Variants in NRG3 observed in about 807,000 individuals in gnomAD.
The protein encoded by NRG3 is neuregulin 3, also known as pro-neuregulin-3, membrane-bound isoform.
A neutral mutation model predicts 66.9 loss-of-function variants in NRG3; 31 were observed. The observed-to-expected ratio is 0.46, with a 90% confidence interval of 0.35 to 0.63. The LOEUF (loss-of-function observed/expected upper bound fraction) is 0.63. Among genes scored for constraint, NRG3 ranks in the 20% least tolerant of loss-of-function variants. The pLI, the probability that NRG3 is intolerant of heterozygous loss-of-function variation, is 0.00. For synonymous variants in NRG3, 393 were observed against 359.4 expected, an observed-to-expected ratio of 1.09 and a Z score of -1.06; for missense variants, 910 against 878.9, an observed-to-expected ratio of 1.04 and a Z score of -0.45.
chr10:82,258,824 A>G (rs1393602330), intron 1 of NRG3, among the ~76,000 whole-genome samples: 1 of 152,186 alleles, frequency 6.6e-6, no homozygotes, highest in South Asian at 2.1e-4. Context: ...CTCCCTTGTG[A>G]TAGATCCAGG....
chr10:82,027,736 G>A (rs1407340984), intron 1 of NRG3, among the ~76,000 whole-genome samples: 3 of 152,098 alleles, frequency 2.0e-5, no homozygotes, highest in East Asian at 1.9e-4. Context: ...GAGCCCATGG[G>A]TAGGTGAGGG....
intron 2 of NRG3, among the ~76,000 whole-genome samples, chr10:82,590,544 G>C (rs1041019359): frequency 6.6e-6 from 1 of 152,160 alleles, no homozygotes; most frequent in Non-Finnish European, 1.5e-5. Context: ...CCACGGGCTT[G>C]TTAGAACTGA....
intron 3 of NRG3, among the ~76,000 whole-genome samples, chr10:82,790,117 T>C (rs2060525202): frequency 6.6e-6 from 1 of 152,070 alleles, no homozygotes; most frequent in Non-Finnish European, 1.5e-5. Context: ...TTAAATCAAA[T>C]GGGAAAGAAA....
At chr10:82,863,381 T>C (rs1192509263) in intron 3 of NRG3, among the ~76,000 whole-genome samples, 1 of 152,216 alleles carries the variant, frequency 6.6e-6, no homozygotes, top group African/African-American at 2.4e-5. Flanking sequence ...TACCCAGTAA[T>C]GGGATTGCTG....
At chr10:81,972,520 C>A (rs1029006628) in intron 1 of NRG3, among the ~76,000 whole-genome samples, 8 of 151,852 alleles carry the variant, frequency 5.3e-5, no homozygotes, top group Non-Finnish European at 1.5e-5. Flanking sequence ...ATAAAAAATA[C>A]ACTAGATGAG....
intron 1 of NRG3, among the ~76,000 whole-genome samples, chr10:81,977,661 A>G (rs2060175663): frequency 1.3e-5 from 2 of 152,322 alleles, no homozygotes; most frequent in African/African-American, 4.8e-5. Context: ...ATGGTACCAT[A>G]TAATCTATTT....
At chr10:82,077,740 A>C (rs964949369) in intron 1 of NRG3, among the ~76,000 whole-genome samples, 3 of 152,272 alleles carry the variant, frequency 2.0e-5, no homozygotes, top group African/African-American at 7.2e-5. Context: ...TGTTGCCAAC[A>C]TAACTTTTAC....
chr10:82,146,409 G>T (rs1018201790), intron 1 of NRG3, among the ~76,000 whole-genome samples: 3 of 152,076 alleles, frequency 2.0e-5, no homozygotes, highest in African/African-American at 7.2e-5. Context: ...ATCGTCTCTA[G>T]TAAGCAAGCC....
chr10:82,856,614 C>T (rs781393549), intron 3 of NRG3, among the ~76,000 whole-genome samples: 1 of 151,208 alleles, frequency 6.6e-6, no homozygotes, highest in Non-Finnish European at 1.5e-5. Context: ...GCATGGTGGC[C>T]GTGCCTGTAA....
At chr10:82,424,165 G>A (rs2089267378) in intron 2 of NRG3, among the ~76,000 whole-genome samples, 1 of 151,986 alleles carries the variant, frequency 6.6e-6, no homozygotes, top group Admixed American at 6.6e-5. Flanking sequence ...CCTAGGGATG[G>A]AATTGCTGGA....
At chr10:82,898,716 T>TTC (rs1554837106) in intron 4 of NRG3, among the ~76,000 whole-genome samples, 17,699 of 88,410 alleles carry the variant, frequency 0.2, 783 homozygotes, top group East Asian at 0.33. Context: ...GAGTTTTACC[T>TTC]TTTTTTTTTT....
chr10:82,568,810 A>G (rs2045567308), intron 2 of NRG3, among the ~76,000 whole-genome samples: 1 of 151,798 alleles, frequency 6.6e-6, no homozygotes, highest in Non-Finnish European at 1.5e-5. Context: ...GTAAATCCTA[A>G]CTACATTCCT....
At chr10:82,502,403 C>T (rs1435449352) in intron 2 of NRG3, among the ~76,000 whole-genome samples, 1 of 152,194 alleles carries the variant, frequency 6.6e-6, no homozygotes, top group Non-Finnish European at 1.5e-5. Context: ...TGTTTTCCCT[C>T]AGATACATTG....
intron 6 of NRG3, among the ~76,000 whole-genome samples, chr10:82,963,443 G>C (rs1480878151): frequency 6.6e-6 from 1 of 152,236 alleles, no homozygotes; most frequent in Non-Finnish European, 1.5e-5. Context: ...CACTTTGGGA[G>C]GCCGAGGCGG....
intron 1 of NRG3, among the ~76,000 whole-genome samples, chr10:82,282,899 G>A (rs950995780): frequency 1.3e-5 from 2 of 152,104 alleles, no homozygotes; most frequent in African/African-American, 4.8e-5. Context: ...CACCTGCAGA[G>A]GAGAGAGAGC....
At chr10:82,795,406 G>A (rs1158465653) in intron 3 of NRG3, among the ~76,000 whole-genome samples, 1 of 152,078 alleles carries the variant, frequency 6.6e-6, no homozygotes, top group Non-Finnish European at 1.5e-5. Context: ...TTATTCATTT[G>A]GATTTTATTC....
At chr10:82,706,264 CATATT>C (rs1162449893) in intron 2 of NRG3, among the ~76,000 whole-genome samples, 2 of 152,252 alleles carry the variant, frequency 1.3e-5, no homozygotes, top group Admixed American at 6.5e-5. Flanking sequence ...CCCAAAATGA[CATATT>C]ATAATCTCCA....
chr10:82,462,786 T>A (rs2091580766), intron 2 of NRG3, among the ~76,000 whole-genome samples: 1 of 152,106 alleles, frequency 6.6e-6, no homozygotes, highest in South Asian at 2.1e-4. Context: ...GTAAATCTGA[T>A]TTGAGTTTAT....
chr10:82,459,526 GT>G (rs2091420914), intron 2 of NRG3, among the ~76,000 whole-genome samples: 2 of 152,322 alleles, frequency 1.3e-5, no homozygotes, highest in South Asian at 4.1e-4. Flanking sequence ...TCATTCAGAA[GT>G]TTATAGTCTA....
Sources: gnomAD v4.1 joint callset for allele counts (sites outside exome capture counted in the v4.1 genomes callset) on GRCh38, gnomAD v4.1.1 for gene constraint, MANE v1.5 for transcripts, NCBI Gene and HGNC (gene_info 2026-07-23, HGNC 2026-07-21) for gene names.